The following NRG1 variants were observed in gnomAD, a reference collection of about 807,000 sequenced individuals.
NRG1 encodes neuregulin 1, also known as pro-neuregulin-1, membrane-bound isoform.
NRG1 carries 18 observed loss-of-function variants against 63.8 expected under a neutral mutation model. The ratio of observed to expected loss-of-function variants is 0.28; its 90% confidence interval spans 0.19 to 0.42. The LOEUF is 0.42. NRG1 is among the 10% of genes least tolerant of loss of function. The pLI is 1.00. For synonymous variants in NRG1, 302 were observed against 301.3 expected, an observed-to-expected ratio of 1.00 and a Z score of -0.02; for missense variants, 762 against 814.7, an observed-to-expected ratio of 0.94 and a Z score of 0.79.
intron 1 of NRG1, among the ~76,000 whole-genome samples, chr8:31,728,047 T>C (rs1404624889): frequency 6.6e-6 from 1 of 152,120 alleles, no homozygotes; most frequent in Non-Finnish European, 1.5e-5. Flanking sequence ...TCTTGCCACA[T>C]AGAATAGTGG....
rs114252061 is a variant in NRG1, at chr8:32,083,377, G to T, written c.37+443946G>T. Among the ~76,000 whole-genome samples the T allele has an allele frequency of 3.0e-3, 464 of 152,304 alleles. 3 individuals are homozygous for T. Among genetic ancestry groups the T allele is most frequent in the African/African-American group, 0.011 (437 of 41,564 alleles). On this transcript the variant is annotated intron_variant, in intron 1 of 10. Coordinates refer to the NRG1 transcript ENST00000519301. ...CTCTACTTCGGTTACAAATTTAAAGGCCAAAGAGTTAGAGATTGTGTATAT... is the reference window on the plus strand; with the variant it reads ...CTCTACTTCGGTTACAAATTTAAAGTCCAAAGAGTTAGAGATTGTGTATAT...
rs1422036814 is a variant in NRG1 at position 31,640,868 on chromosome 8, C to A, written c.37+1437C>A. The A allele has an allele frequency of 6.5e-6, 9 of 1,376,702 alleles. No homozygotes were observed. Among genetic ancestry groups the A allele is most frequent in the Non-Finnish European group, 8.4e-6 (9 of 1,068,218 alleles). The allele number at this position is 1,376,702 out of a possible 1,614,324, so 85.3% of individuals were successfully genotyped here. ...GTTGTTGGTTTCAGGGTGGTGGGTT[C>A]TCAGCGATCCTCAGAGAGGGAGGTT... is the stretch of plus-strand genomic sequence containing the variant. On this transcript the variant is annotated intron_variant, in intron 1 of 10. Coordinates refer to the NRG1 transcript ENST00000519301. The surrounding 1 kb of genome is among the most constrained non-coding windows in gnomAD (Gnocchi z 6.3).
chr8:31,933,179 GATA>G (rs1479463070), intron 1 of NRG1, among the ~76,000 whole-genome samples: 1 of 151,900 alleles, frequency 6.6e-6, no homozygotes, highest in Non-Finnish European at 1.5e-5. Flanking sequence ...TTTTTTAAAG[GATA>G]ATAATATTAA....
At chr8:32,543,007 G>A (rs1266156474) in intron 1 of NRG1, among the ~76,000 whole-genome samples, 2 of 152,140 alleles carry the variant, frequency 1.3e-5, no homozygotes, top group Non-Finnish European at 2.9e-5. Context: ...GTCATTGATT[G>A]ATAGAAAATG....
At chr8:31,774,538 C>CG (rs1451220025) in intron 1 of NRG1, among the ~76,000 whole-genome samples, 1 of 151,970 alleles carries the variant, frequency 6.6e-6, no homozygotes, top group African/African-American at 2.4e-5. Context: ...CTGGCATAGT[C>CG]GGGGGTCAAG....
At chr8:31,827,851 G>A (rs1463438232) in intron 1 of NRG1, among the ~76,000 whole-genome samples, 2 of 152,138 alleles carry the variant, frequency 1.3e-5, no homozygotes, top group African/African-American at 4.8e-5. Flanking sequence ...ATCTTTCTGT[G>A]TGCAGGCTGG....
intron 3 of NRG1, among the ~76,000 whole-genome samples, chr8:32,611,231 C>CA (rs1445205546): frequency 2.6e-5 from 4 of 151,562 alleles, no homozygotes; most frequent in Non-Finnish European, 4.4e-5. Context: ...GGGCTTGTAG[C>CA]AAAAAAATAG....
intron 1 of NRG1, among the ~76,000 whole-genome samples, chr8:32,089,207 C>A (rs1215175648): frequency 1.3e-5 from 2 of 152,192 alleles, no homozygotes; most frequent in East Asian, 3.9e-4. Context: ...TCCACAGCAA[C>A]AGAACAGCTG....
chr8:32,190,997 A>G (rs970748103), intron 1 of NRG1, among the ~76,000 whole-genome samples: 1 of 152,222 alleles, frequency 6.6e-6, no homozygotes, highest in African/African-American at 2.4e-5. Context: ...CATTTGCTCC[A>G]GTTGGAGACA....
At chr8:31,947,029 G>A (rs951725242) in intron 1 of NRG1, among the ~76,000 whole-genome samples, 3 of 152,050 alleles carry the variant, frequency 2.0e-5, no homozygotes, top group Non-Finnish European at 4.4e-5. Flanking sequence ...GGCCGGGCGC[G>A]GTGGCTCACG....
chr8:32,356,121 A>G (rs1563353401), intron 1 of NRG1, among the ~76,000 whole-genome samples: 1 of 152,200 alleles, frequency 6.6e-6, no homozygotes, highest in Non-Finnish European at 1.5e-5. Context: ...TGCCAAGTAG[A>G]GCACTGAGAT....
intron 1 of NRG1, among the ~76,000 whole-genome samples, chr8:31,921,891 T>C (rs1833950245): frequency 6.6e-6 from 1 of 152,182 alleles, no homozygotes; most frequent in Non-Finnish European, 1.5e-5. Context: ...ATGTCCCCTC[T>C]ATATGAGACT....
At chr8:32,494,560 T>C (rs17645460) in intron 1 of NRG1, among the ~76,000 whole-genome samples, 8,027 of 152,256 alleles carry the variant, frequency 0.053, 284 homozygotes, top group Middle Eastern at 0.085. Context: ...ATCAATTCTG[T>C]AGCAATCAGC....
intron 1 of NRG1, among the ~76,000 whole-genome samples, chr8:32,263,738 C>T (rs1850629106): frequency 6.6e-6 from 1 of 152,096 alleles, no homozygotes; most frequent in African/African-American, 2.4e-5. Context: ...CGTGGGTGGG[C>T]CCCATATAAA....
intron 1 of NRG1, among the ~76,000 whole-genome samples, chr8:32,381,425 C>G (rs1282857716): frequency 6.6e-6 from 1 of 152,158 alleles, no homozygotes; most frequent in African/African-American, 2.4e-5. Flanking sequence ...ATAAGCTTCA[C>G]GAGGGCAGCT....
chr8:32,465,119 C>A (rs1822898152), intron 1 of NRG1, among the ~76,000 whole-genome samples: 1 of 152,040 alleles, frequency 6.6e-6, no homozygotes, highest in Non-Finnish European at 1.5e-5. Flanking sequence ...AGGTTGCAGT[C>A]TTTAGCATGG....
intron 1 of NRG1, among the ~76,000 whole-genome samples, chr8:31,989,619 C>T (rs911879488): frequency 6.6e-6 from 1 of 152,074 alleles, no homozygotes; most frequent in African/African-American, 2.4e-5. Flanking sequence ...AGATCTGGAA[C>T]CTGATTATTT....
At chr8:32,686,498 G>C (rs1589202634) in intron 5 of NRG1, among the ~76,000 whole-genome samples, 1 of 152,290 alleles carries the variant, frequency 6.6e-6, no homozygotes, top group Non-Finnish European at 1.5e-5. Context: ...AGTGACAGGA[G>C]GAGAAAAGTG....
chr8:32,009,852 CA>C (rs1294547396), intron 1 of NRG1, among the ~76,000 whole-genome samples: 1 of 151,992 alleles, frequency 6.6e-6, no homozygotes, highest in Non-Finnish European at 1.5e-5. Context: ...ATGACTGCTC[CA>C]GTTTATGCAC....
Sources: allele counts gnomAD v4.1 joint callset (sites outside exome capture counted in the v4.1 genomes callset), GRCh38; gene constraint gnomAD v4.1.1; non-coding constraint Gnocchi (gnomAD v3.1); transcripts MANE v1.5; gene names NCBI Gene and HGNC (gene_info 2026-07-23, HGNC 2026-07-21).